The following BRD1 variants were observed in gnomAD, a reference collection of about 807,000 sequenced individuals.
BRD1 encodes bromodomain-containing protein 1.
In BRD1, 24 loss-of-function variants were observed where a neutral mutation model predicts 107.7. The observed-to-expected ratio is 0.22, with a 90% CI of 0.16 to 0.31. BRD1 has a LOEUF of 0.31. Ranked by LOEUF, BRD1 falls within the 10% of genes least tolerant of loss-of-function variation. BRD1 has a pLI of 1.00. For synonymous variants in BRD1, 744 were observed against 686.1 expected (o/e 1.08, Z -1.32); for missense variants, 1,279 against 1,638.6 (o/e 0.78, Z 3.79).
intron 2 of BRD1, among the ~76,000 whole-genome samples, chr22:49,812,528 G>A (rs2059869139): frequency 6.6e-6 from 1 of 152,110 alleles, no homozygotes; most frequent in Non-Finnish European, 1.5e-5. Flanking sequence ...CTGAGATCAT[G>A]CCACTGAACT....
chr22:49,801,103 C>T (rs1026752708), intron 3 of BRD1, among the ~76,000 whole-genome samples: 1 of 152,222 alleles, frequency 6.6e-6, no homozygotes, highest in Non-Finnish European at 1.5e-5. Context: ...TGGGCAGCAG[C>T]GCCCAGCATG....
At position 49,787,567 on chromosome 22, in the gene BRD1, G is replaced by A; in HGVS notation, c.2680C>T (p.Pro894Ser). 6.3e-7 allele frequency: 1 copy of A among 1,583,844 alleles called. No homozygotes were observed. The highest frequency in any genetic ancestry group is 8.6e-7 in the Non-Finnish European group (1 of 1,164,248). ...LFCKSKSVSPPKSAKNTETQP... is the reference protein window; with the variant it reads ...LFCKSKSVSPSKSAKNTETQP... ...GTTTCAGTGTTCTTGGCAGACTTTGGGGGGCTTACACTTTTCGATTTGCAG... is the reference window on the plus strand; with the variant it reads ...GTTTCAGTGTTCTTGGCAGACTTTGAGGGGCTTACACTTTTCGATTTGCAG... The change falls in exon 8 of 13, where the codon CCA (proline) becomes TCA (serine). Residue 894 changes from proline (P) to serine (S), a missense_variant. Coordinates refer to ENST00000404760, the MANE Select transcript of BRD1 (RefSeq NM_001304808.3).
chr22:49,804,374 A>T lies in BRD1; in HGVS notation c.1368-14T>A, dbSNP rs1212627441. 2 of 1,591,478 alleles carry T rather than the reference A, an allele frequency of 1.3e-6. No homozygotes were observed. The highest frequency in any genetic ancestry group is 1.7e-5 in the Admixed American group (1 of 58,460). ...ATCCTATTTAACCTAAAACACAAAC[A>T]CTCAGTGTATCTTTGAAGCAGTACA... is the stretch of plus-strand genomic sequence containing the variant. On this transcript the variant is annotated splice_polypyrimidine_tract_variant and intron_variant, in intron 2 of 12. Transcript: ENST00000404760.
intron 2 of BRD1, among the ~76,000 whole-genome samples, chr22:49,811,134 CA>C (rs969127119): frequency 1.3e-5 from 2 of 150,918 alleles, no homozygotes; most frequent in Non-Finnish European, 3.0e-5. Flanking sequence ...AGTGAAAGAA[CA>C]AAAAAAACAC....
chr22:49,777,694 G>A lies in BRD1; in HGVS notation c.2977C>T (p.Pro993Ser). The A allele has an allele frequency of 6.2e-7, 1 of 1,607,888 alleles. No homozygotes were observed. The highest frequency in any genetic ancestry group is 8.5e-7 in the Non-Finnish European group (1 of 1,178,222). The change falls in exon 9 of 13, where the codon CCG (proline) becomes TCG (serine). Residue 993 changes from proline to serine, a missense_variant. Pro to Ser is a moderately conservative substitution (Grantham distance 74). Coordinates refer to ENST00000404760, the MANE Select transcript of BRD1 (RefSeq NM_001304808.3). The stretch of plus-strand genomic sequence containing the variant: ...GGTGCCCACCTCGAGTCGCAGAGCG[G>A]GCTGTTGCTGGAGGAGATGCTGGAC... ...SESSISSSNS[P>S]LCDSSFNAPK...
At chr22:49,821,735 G>A (rs939112118) in intron 2 of BRD1, among the ~76,000 whole-genome samples, 2 of 152,094 alleles carry the variant, frequency 1.3e-5, no homozygotes, top group African/African-American at 4.8e-5. Context: ...TCCCACCTGT[G>A]CTGTCCTCCC....
intron 2 of BRD1, among the ~76,000 whole-genome samples, chr22:49,819,179 G>C (rs749680703): frequency 9.9e-5 from 15 of 152,136 alleles, no homozygotes; most frequent in Non-Finnish European, 2.1e-4. Context: ...AGGATCGCTT[G>C]AACCTGGGAG....
At chr22:49,806,341 T>C (rs1384020166) in intron 2 of BRD1, 1 of 152,158 alleles carries the variant, frequency 6.6e-6, no homozygotes, top group African/African-American at 2.4e-5. Flanking sequence ...AAGGCTTTGA[T>C]GAAAATGCTT....
intron 2 of BRD1, among the ~76,000 whole-genome samples, chr22:49,814,908 C>T (rs2059920927): frequency 6.6e-6 from 1 of 152,236 alleles, no homozygotes; most frequent in Admixed American, 6.5e-5. Flanking sequence ...GGTGTCTCCC[C>T]TCTGCTGAGA....
At position 49,775,763 on chromosome 22, in the gene BRD1, G is replaced by A. The variant is rs371060856; in HGVS notation, c.3232-18C>T. On this transcript the variant is annotated intron_variant, in intron 11 of 12. Coordinates refer to ENST00000404760, the MANE Select transcript of BRD1 (RefSeq NM_001304808.3). ...TCGATGATCTGCACGAGAAGGACCC[G>A]CTGAGGTCATTGTGAGGCTCACACC... 6.4e-5 allele frequency: 101 copies of A among 1,576,698 alleles called. 1 individual carries two copies. The highest frequency in any genetic ancestry group is 3.9e-4 in the Middle Eastern group (2 of 5,140).
chr22:49,787,602 G>A lies in BRD1; in HGVS notation c.2645C>T (p.Ser882Phe). 1.3e-6 allele frequency: 2 copies of A among 1,554,956 alleles called. No individual in the cohort carries two copies. Among genetic ancestry groups the A allele is most frequent in the Non-Finnish European group, 1.7e-6 (2 of 1,148,918 alleles). ...ACTTTTCGATTTGCAGAAGAGAACA[G>A]AAGTGCGTCTGTTTACATCGCTTGC... ...EPASDVNRRT[S>F]VLFCKSKSVS... The change falls in exon 8 of 13, where the codon TCT (serine) becomes TTT (phenylalanine). Residue 882 changes from serine (S) to phenylalanine (F), a missense_variant. This residue lies in a region of BRD1 where 263 missense variants were observed against 251.6 expected (regional missense o/e 1.05). Coordinates refer to ENST00000404760, the MANE Select transcript of BRD1 (RefSeq NM_001304808.3).
At position 49,827,758 on chromosome 22, in the gene BRD1, C is replaced by CGGCGGG. The variant is rs2060161969; in HGVS notation, c.-282_-277dup. Among the ~76,000 whole-genome samples, 2 of 141,820 alleles carry CGGCGGG rather than the reference C, an allele frequency of 1.4e-5. No individual in the cohort carries two copies. The highest frequency in any genetic ancestry group is 1.4e-4 in the Admixed American group (2 of 14,524). 93.0% of individuals were successfully genotyped at this position (141,820 alleles called of 152,430 possible). A position where few individuals can be genotyped will look rare whatever the true frequency, so the allele number is the denominator to read the frequency against. Reference sequence around the variant, plus strand: ...GGAGGCCCGGCTCGGGGGGCCCGGCCGGCGGGCGCGGGCGCGGGCGCGGGA... The same window carrying CGGCGGG: ...GGAGGCCCGGCTCGGGGGGCCCGGCCGGCGGGGGCGGGCGCGGGCGCGGGCGCGGGA... On this transcript the variant is annotated 5_prime_UTR_variant, in exon 1 of 13. Transcript: ENST00000404760.
intron 6 of BRD1, among the ~76,000 whole-genome samples, chr22:49,795,956 A>C (rs1031084640): frequency 6.6e-6 from 1 of 152,190 alleles, no homozygotes; most frequent in Admixed American, 6.5e-5. Context: ...GAGGGGTTAA[A>C]GCTCCACCCG....
intron 2 of BRD1, among the ~76,000 whole-genome samples, chr22:49,813,342 G>A (rs923092802): frequency 2.0e-5 from 3 of 151,952 alleles, no homozygotes; most frequent in Admixed American, 2.0e-4. Flanking sequence ...CTGCCTCTCA[G>A]CCTCCCTAGT....
At chr22:49,788,631 TG>T (rs1352433140) in intron 7 of BRD1, among the ~76,000 whole-genome samples, 1 of 152,188 alleles carries the variant, frequency 6.6e-6, no homozygotes, top group Non-Finnish European at 1.5e-5. Context: ...GAGGACGGCC[TG>T]GGGCTGGTCT....
At chr22:49,813,509 A>G (rs1432286143) in intron 2 of BRD1, among the ~76,000 whole-genome samples, 1 of 148,682 alleles carries the variant, frequency 6.7e-6, no homozygotes. Flanking sequence ...GGCGTGAGCC[A>G]CCACACCCAG....
Position 49,823,827 on chromosome 22 carries a change from G to A in BRD1, c.491C>T (p.Ala164Val). Reference protein sequence around the residue: ...VEYDMDEEDYAWLEIVNEKRK... With the variant: ...VEYDMDEEDYVWLEIVNEKRK... Reference sequence around the variant, plus strand: ...CTTCTCATTGACGATCTCCAGCCAGGCATAGTCCTCCTCGTCCATGTCATA... The same window carrying A: ...CTTCTCATTGACGATCTCCAGCCAGACATAGTCCTCCTCGTCCATGTCATA... Residue 164 changes from alanine (A) to valine (V), a missense_variant, in exon 2 of 13, where the codon GCC (alanine) becomes GTC (valine). Ala to Val is a moderately conservative substitution (Grantham distance 64, BLOSUM62 0). This residue lies in a region of BRD1 where 223 missense variants were observed against 263.5 expected (regional missense o/e 0.85). Coordinates refer to ENST00000404760, the MANE Select transcript of BRD1 (RefSeq NM_001304808.3). 1 of 1,614,180 alleles carries A rather than the reference G, an allele frequency of 6.2e-7. No homozygotes were observed. Among genetic ancestry groups the A allele is most frequent in the Non-Finnish European group, 8.5e-7 (1 of 1,180,032 alleles).
rs2059569601 is a variant in BRD1, at chr22:49,798,137, A to G, written c.1786-20T>C. The G allele has an allele frequency of 6.3e-7, 1 of 1,580,626 alleles. No homozygotes were observed. The highest frequency in any genetic ancestry group is 1.1e-5 in the South Asian group (1 of 87,296). On this transcript the variant is annotated intron_variant, in intron 5 of 12. Coordinates refer to ENST00000404760, the MANE Select transcript of BRD1 (RefSeq NM_001304808.3). ...TGGTACCTAATTTTAGGGAGGAAAA[A>G]GAATCATTTACAAACTAAAACAGGA... is the stretch of plus-strand genomic sequence containing the variant.
intron 10 of BRD1, 47 bp downstream of exon 10, chr22:49,776,973 GAGCCCTAAGACGCT>G: frequency 9.4e-6 from 15 of 1,602,162 alleles, no homozygotes; most frequent in Non-Finnish European, 1.2e-5. Context: ...CCCAGCAGTC[GAGCCCTAAGACGCT>G]AACCAGGAGG....
Sources: gnomAD v4.1 joint callset for allele counts (sites outside exome capture counted in the v4.1 genomes callset) on GRCh38, gnomAD v4.1.1 for gene constraint, gnomAD v4.1.1 regional missense constraint, MANE v1.5 for transcripts, NCBI Gene and HGNC (gene_info 2026-07-23, HGNC 2026-07-21) for gene names.